The following CPB1 variants were observed in gnomAD, a reference collection of about 807,000 sequenced individuals.
CPB1 encodes carboxypeptidase B1.
Under a neutral mutation model 51.4 loss-of-function variants are expected in CPB1, and 53 were observed. The ratio of observed to expected loss-of-function variants is 1.03; its 90% CI spans 0.83 to 1.30. The LOEUF is 1.30. Among genes scored for constraint, CPB1 ranks in the 50% most tolerant of loss-of-function variants. CPB1 has a pLI of 0.00. For synonymous variants in CPB1, 189 were observed against 186.9 expected (o/e 1.01, Z -0.09); for missense variants, 494 against 516.2 (o/e 0.96, Z 0.42).
intron 10 of CPB1, among the ~76,000 whole-genome samples, chr3:148,858,321 C>T (rs1477118584): frequency 1.3e-5 from 2 of 152,012 alleles, no homozygotes; most frequent in East Asian, 1.9e-4. Context: ...GCCTATAATC[C>T]CAGCACTTTG....
intron 2 of CPB1, among the ~76,000 whole-genome samples, chr3:148,829,942 A>G (rs1559955480): frequency 6.6e-6 from 1 of 152,198 alleles, no homozygotes; most frequent in Non-Finnish European, 1.5e-5. Flanking sequence ...GTTTATAAAG[A>G]AAGATATCAA....
At chr3:148,845,831 A>C (rs1713221457) in intron 9 of CPB1, among the ~76,000 whole-genome samples, 1 of 152,178 alleles carries the variant, frequency 6.6e-6, no homozygotes, top group Non-Finnish European at 1.5e-5. Flanking sequence ...ATTGTTCCCC[A>C]CATGCGATTT....
At chr3:148,831,248 T>A (rs1712727939) in intron 2 of CPB1, among the ~76,000 whole-genome samples, 1 of 152,214 alleles carries the variant, frequency 6.6e-6, no homozygotes, top group African/African-American at 2.4e-5. Flanking sequence ...TTCTCAAATT[T>A]AAGGTGCATT....
intron 3 of CPB1, chr3:148,838,455 T>C: frequency 6.6e-6 from 1 of 152,088 alleles, no homozygotes; most frequent in East Asian, 1.9e-4. Flanking sequence ...GACATAATTG[T>C]CCTCTTAGCA....
At chr3:148,828,342 C>G (rs1712634264) in intron 2 of CPB1, among the ~76,000 whole-genome samples, 1 of 152,156 alleles carries the variant, frequency 6.6e-6, no homozygotes, top group Non-Finnish European at 1.5e-5. Context: ...TCACGAAGGT[C>G]ACAGAACATC....
chr3:148,842,712 A>T (rs537906112), intron 6 of CPB1, among the ~76,000 whole-genome samples: 1 of 152,340 alleles, frequency 6.6e-6, no homozygotes, highest in Non-Finnish European at 1.5e-5. Flanking sequence ...GAGAAACAGG[A>T]TATTTACAGA....
intron 10 of CPB1, among the ~76,000 whole-genome samples, chr3:148,858,701 C>A (rs1713665961): frequency 6.6e-6 from 1 of 152,176 alleles, no homozygotes; most frequent in South Asian, 2.1e-4. Context: ...TGTATGCAAG[C>A]AAGTGGCTAG....
At position 148,845,624 on chromosome 3, in the gene CPB1, T is replaced by C; in HGVS notation, c.979T>C (p.Leu327=). 6.2e-7 allele frequency: 1 copy of C among 1,611,648 alleles called. No individual in the cohort carries two copies. Among genetic ancestry groups the C allele is most frequent in the African/African-American group, 1.3e-5 (1 of 74,948 alleles). The change falls in exon 9 of 11, where the codon TTG becomes CTG. Residue 327 remains leucine, a splice_region_variant and synonymous_variant. Coordinates refer to ENST00000282957, the MANE Select transcript of CPB1 (RefSeq NM_001871.3). ...AYKLGENNAE[L]NALAKATVKE... The stretch of plus-strand genomic sequence containing the variant: ...CAAACTCGGTGAGAACAATGCTGAG[T>C]TGGTAAGTAGCAAAGTAGTAGGTAT...
intron 9 of CPB1, chr3:148,851,624 G>T (rs1713434272): frequency 6.6e-6 from 1 of 152,202 alleles, no homozygotes; most frequent in African/African-American, 2.4e-5. Context: ...ATAGAGAGGG[G>T]ATGCAATTTG....
Position 148,844,496 on chromosome 3 carries a change from C to T in CPB1, c.595C>T (p.Arg199Cys), listed in dbSNP as rs772768988. The T allele has an allele frequency of 6.8e-6, 11 of 1,613,388 alleles. No individual in the cohort carries two copies. The highest frequency in any genetic ancestry group is 2.7e-5 in the African/African-American group (2 of 74,890). The change falls in exon 7 of 11, where the codon CGT becomes TGT. Residue 199 changes from arginine (R) to cysteine (C), a missense_variant. Coordinates refer to ENST00000282957, the MANE Select transcript of CPB1 (RefSeq NM_001871.3). ...CATACAGGCTGTTCGTACCTATGGA[C>T]GTGAGATCCAAGTGACAGAGCTTCT... ...FVREAVRTYG[R>C]EIQVTELLDK...
At chr3:148,844,033 A>G (rs905243356) in intron 6 of CPB1, among the ~76,000 whole-genome samples, 2 of 152,146 alleles carry the variant, frequency 1.3e-5, no homozygotes, top group Non-Finnish European at 2.9e-5. Context: ...AAAGAAATAC[A>G]TTTCTAAATG....
chr3:148,846,712 C>T (rs1713250020), intron 9 of CPB1, among the ~76,000 whole-genome samples: 1 of 140,170 alleles, frequency 7.1e-6, no homozygotes, highest in South Asian at 2.2e-4. Flanking sequence ...AAAAGCTTTT[C>T]ATTTTTCCCC....
Position 148,844,722 on chromosome 3 carries a change from T to C in CPB1, c.733T>C (p.Cys245Arg). The change falls in exon 8 of 11, where the codon TGC (cysteine) becomes CGC (arginine). Residue 245 changes from cysteine (C) to arginine (R), a missense_variant. Coordinates refer to ENST00000282957, the MANE Select transcript of CPB1 (RefSeq NM_001871.3). ...TCGCTCCACCCATACTGGATCTAGC[T>C]GCATTGGCACAGACCCCAACAGAAA... ...KTRSTHTGSS[C>R]IGTDPNRNFD... The C allele has an allele frequency of 6.2e-7, 1 of 1,614,040 alleles. No homozygotes were observed. Among genetic ancestry groups the C allele is most frequent in the East Asian group, 2.2e-5 (1 of 44,886 alleles).
chr3:148,833,334 C>T (rs1356087352), intron 2 of CPB1, among the ~76,000 whole-genome samples: 1 of 152,150 alleles, frequency 6.6e-6, no homozygotes, highest in Non-Finnish European at 1.5e-5. Context: ...ATTCGTGACT[C>T]ACCACCTCTA....
chr3:148,846,777 A>ATGTGTGTG (rs1559960122), intron 9 of CPB1, among the ~76,000 whole-genome samples: 1 of 63,566 alleles, frequency 1.6e-5, no homozygotes, highest in African/African-American at 6.2e-5. Flanking sequence ...ATATACACAT[A>ATGTGTGTG]TATATGTGTG....
At chr3:148,830,601 A>T (rs550593202) in intron 2 of CPB1, among the ~76,000 whole-genome samples, 100 of 152,328 alleles carry the variant, frequency 6.6e-4, no homozygotes, top group Middle Eastern at 3.4e-3. Context: ...AATACAATTT[A>T]TATGGCTAGT....
chr3:148,829,167 T>G (rs1307368810), intron 2 of CPB1, among the ~76,000 whole-genome samples: 1 of 152,216 alleles, frequency 6.6e-6, no homozygotes, highest in Admixed American at 6.5e-5. Context: ...CCTCTAAGAT[T>G]TATCTTTTTC....
rs1023720704 is a variant in CPB1, at chr3:148,858,550, C to A, written c.1066+1009C>A. Among the ~76,000 whole-genome samples the A allele has an allele frequency of 4.2e-4, 63 of 151,240 alleles. 2 individuals are homozygous for A. The highest frequency in any genetic ancestry group is 4.4e-5 in the Non-Finnish European group (3 of 67,886). On this transcript the variant is annotated intron_variant, in intron 10 of 10. Coordinates refer to ENST00000282957, the MANE Select transcript of CPB1 (RefSeq NM_001871.3). ...TCCTGCCACTGCACTCTAGCCTGGG[C>A]GACGAGAGCAAAACTCCATCTCAAA...
chr3:148,848,955 A>C (rs1026199793), intron 9 of CPB1, among the ~76,000 whole-genome samples: 3 of 152,234 alleles, frequency 2.0e-5, no homozygotes, highest in African/African-American at 7.2e-5. Context: ...AAGAATACAA[A>C]GTGCACTCTG....
Sources: gnomAD v4.1 joint callset for allele counts (sites outside exome capture counted in the v4.1 genomes callset) on GRCh38, gnomAD v4.1.1 for gene constraint, MANE v1.5 for transcripts, NCBI Gene and HGNC (gene_info 2026-07-23, HGNC 2026-07-21) for gene names.